AP1M1: variants seen among roughly 807,000 people sequenced by gnomAD.
AP1M1 encodes adaptor related protein complex 1 subunit mu 1, also known as AP-1 complex subunit mu-1.
AP1M1 carries 18 observed loss-of-function variants against 57.1 expected under a neutral mutation model. The ratio of observed to expected loss-of-function variants is 0.32; its 90% CI spans 0.22 to 0.47. AP1M1 has a LOEUF of 0.47. Ranked by LOEUF, AP1M1 falls within the 20% of genes least tolerant of loss-of-function variation. The pLI, the probability that AP1M1 is intolerant of heterozygous loss-of-function variation, is 1.00. For missense variants in AP1M1, 362 were observed against 593.5 expected, an observed-to-expected ratio of 0.61 and a Z score of 4.05; for synonymous variants, 241 against 237.9, an observed-to-expected ratio of 1.01 and a Z score of -0.12.
intron 1 of AP1M1, among the ~76,000 whole-genome samples, chr19:16,199,535 G>A (rs936697783): frequency 3.3e-5 from 5 of 152,180 alleles, no homozygotes; most frequent in Admixed American, 6.5e-5. Flanking sequence ...TAGGTGAGGC[G>A]GGCAGGGGTG....
intron 9 of AP1M1, among the ~76,000 whole-genome samples, chr19:16,231,866 T>C (rs1345710380): frequency 6.6e-6 from 1 of 152,234 alleles, no homozygotes; most frequent in East Asian, 1.9e-4. Context: ...TAGTGTAGGC[T>C]ATTTGCTTTT....
rs930532373 is a variant in AP1M1 at position 16,234,422 on chromosome 19, T to G, written c.1259T>G (p.Leu420Arg). The G allele has an allele frequency of 6.2e-7, 1 of 1,613,638 alleles. No individual in the cohort carries two copies. Among genetic ancestry groups the G allele is most frequent in the African/African-American group, 1.3e-5 (1 of 74,868 alleles). ...RYITQNGDYQ[L>R]RTQ Reference sequence around the variant, plus strand: ...CCCTCCTGTCTCCTAGATTACCAGCTCCGGACCCAGTGAGGGGCTGTCGCA... The same window carrying G: ...CCCTCCTGTCTCCTAGATTACCAGCGCCGGACCCAGTGAGGGGCTGTCGCA... Residue 420 changes from leucine to arginine, a missense_variant, in exon 12 of 12, where the codon CTC (leucine) becomes CGC (arginine). Leu to Arg is a moderately radical substitution (Grantham distance 102). This residue lies in a region of AP1M1 where 25 missense variants were observed against 82.4 expected (regional missense o/e 0.30). Transcript: ENST00000291439.
chr19:16,236,178 G>C lies in AP1M1; in HGVS notation c.*1743G>C, dbSNP rs2091624164. ...TTTGCCATCCTCGCTGCCACCCCCGGGGCCTAGCTCCAGTGTGGGCTGTCA... is the reference window on the plus strand; with the variant it reads ...TTTGCCATCCTCGCTGCCACCCCCGCGGCCTAGCTCCAGTGTGGGCTGTCA... On this transcript the variant is annotated 3_prime_UTR_variant, in exon 12 of 12. Coordinates refer to ENST00000291439, the MANE Select transcript of AP1M1 (RefSeq NM_032493.4). 1 of 152,746 alleles carries C rather than the reference G, an allele frequency of 6.5e-6. No homozygotes were observed. Among genetic ancestry groups the C allele is most frequent in the Non-Finnish European group, 1.5e-5 (1 of 68,478 alleles). 9.5% of individuals were successfully genotyped at this position (152,746 alleles called of 1,614,324 possible). A position where few individuals can be genotyped will look rare whatever the true frequency, so the allele number is the denominator to read the frequency against.
At chr19:16,216,376 C>T (rs1195264839) in intron 5 of AP1M1, among the ~76,000 whole-genome samples, 2 of 151,350 alleles carry the variant, frequency 1.3e-5, no homozygotes, top group East Asian at 2.0e-4. Flanking sequence ...ACCCAGGAGG[C>T]GGAGCTTGCA....
Position 16,228,252 on chromosome 19 carries a change from T to C in AP1M1, c.888+44T>C. 1 of 1,601,240 alleles carries C rather than the reference T, an allele frequency of 6.2e-7. No homozygotes were observed. Among genetic ancestry groups the C allele is most frequent in the Non-Finnish European group, 8.5e-7 (1 of 1,171,528 alleles). ...CCCACTGAGGGCCTTCTGGTGTCTC[T>C]GGCCCGTCCCAGGAGCCTAACCGAG... On this transcript the variant is annotated intron_variant, in intron 8 of 11. Transcript: ENST00000291439. This position sits in a 1 kb window ranked among gnomAD's most constrained non-coding sequence, Gnocchi z 5.0.
At chr19:16,208,683 TCC>T (rs1244411913) in intron 4 of AP1M1, among the ~76,000 whole-genome samples, 1 of 152,154 alleles carries the variant, frequency 6.6e-6, no homozygotes, top group Non-Finnish European at 1.5e-5. Context: ...CAGGTTACAC[TCC>T]GAGGCGTCAG....
Position 16,206,555 on chromosome 19 carries a change from G to A in AP1M1, c.267+147G>A. The A allele has an allele frequency of 2.6e-6, 2 of 780,456 alleles. No individual in the cohort carries two copies. Among genetic ancestry groups the A allele is most frequent in the Admixed American group, 2.2e-5 (1 of 46,272 alleles). The allele number at this position is 780,456 out of a possible 1,614,324, so 48.3% of individuals were successfully genotyped here. A position where few individuals can be genotyped will look rare whatever the true frequency, so the allele number is the denominator to read the frequency against. Reference sequence around the variant, plus strand: ...GAAGCCCAGGAAGTGGGAAAGGGGAGTCCCAACTCCCCACGCCTGTGGAAT... The same window carrying A: ...GAAGCCCAGGAAGTGGGAAAGGGGAATCCCAACTCCCCACGCCTGTGGAAT... On this transcript the variant is annotated intron_variant, in intron 3 of 11. Transcript: ENST00000291439. This position sits in a 1 kb window ranked among gnomAD's most constrained non-coding sequence, Gnocchi z 4.3.
chr19:16,209,734 T>C (rs368517694), intron 5 of AP1M1, among the ~76,000 whole-genome samples: 2 of 152,352 alleles, frequency 1.3e-5, no homozygotes, highest in East Asian at 3.9e-4. Flanking sequence ...TTGATTTTTC[T>C]ATAAACCTGA....
At chr19:16,232,194 G>A (rs1452858178) in intron 9 of AP1M1, among the ~76,000 whole-genome samples, 1 of 152,226 alleles carries the variant, frequency 6.6e-6, no homozygotes. Flanking sequence ...TGGCAGCCCT[G>A]TCCTCTTTTG....
chr19:16,208,372 A>G, intron 4 of AP1M1: 1 of 420,856 alleles, frequency 2.4e-6, no homozygotes, highest in Non-Finnish European at 4.3e-6. Context: ...CCTCATCTTT[A>G]CTCTCCATCC....
chr19:16,232,396 CT>C (rs1202276326), intron 9 of AP1M1, among the ~76,000 whole-genome samples: 2 of 152,266 alleles, frequency 1.3e-5, no homozygotes, highest in Non-Finnish European at 2.9e-5. Flanking sequence ...TCCATCGCCC[CT>C]GGCGTCTGCT....
At chr19:16,231,333 A>G (rs12976604) in intron 9 of AP1M1, among the ~76,000 whole-genome samples, 80,952 of 147,658 alleles carry the variant, frequency 0.55, 25,424 homozygotes, top group Non-Finnish European at 0.71. Flanking sequence ...TTAGAAATAC[A>G]GATTAGATAG....
chr19:16,209,400 G>C (rs370523929), intron 5 of AP1M1: 2 of 456,902 alleles, frequency 4.4e-6, no homozygotes, highest in Non-Finnish European at 7.6e-6. Context: ...ACACGATCTC[G>C]GCTCACTGCA....
In AP1M1 at chr19:16,234,198, G is replaced by A. The variant is rs1262264438; in HGVS notation, c.1174-1G>A. On this transcript the variant is annotated splice_acceptor_variant, in intron 10 of 11. Coordinates refer to ENST00000291439, the MANE Select transcript of AP1M1 (RefSeq NM_032493.4). LOFTEE classifies it high-confidence loss of function. ...TCAGGGCCCTGCTACCTGTGCCCCA[G>A]GTGCGCTACCTGAAGATCATTGAGA... 6.2e-7 allele frequency: 1 copy of A among 1,612,856 alleles called. No individual in the cohort carries two copies. Among genetic ancestry groups the A allele is most frequent in the African/African-American group, 1.3e-5 (1 of 74,924 alleles).
At chr19:16,226,650 T>A in intron 6 of AP1M1, 103 bp downstream of exon 6, 1 of 1,412,272 alleles carries the variant, frequency 7.1e-7, no homozygotes, top group Non-Finnish European at 9.4e-7. Context: ...CGAGCTGGTT[T>A]CAAGCACTTG....
chr19:16,209,475 C>T (rs932272951), intron 5 of AP1M1, among the ~76,000 whole-genome samples: 5 of 152,200 alleles, frequency 3.3e-5, no homozygotes, highest in Non-Finnish European at 7.3e-5. Flanking sequence ...GGATTATAGG[C>T]ACCCGCCACC....
Position 16,230,423 on chromosome 19 carries a change from C to T in AP1M1, c.1047+1495C>T, listed in dbSNP as rs555941851. On this transcript the variant is annotated intron_variant, in intron 9 of 11. Transcript: ENST00000291439. ...GGTAACCTTTTTTTTTTTTTTGAGA[C>T]GGAGTCTCGCTCTGTCGCCTAGGCT... 2.4e-3 allele frequency among the ~76,000 whole-genome samples: 324 copies of T among 133,442 alleles called. 2 individuals carry two copies. Among genetic ancestry groups the T allele is most frequent in the Middle Eastern group, 0.013 (3 of 224 alleles). The allele number at this position is 133,442 out of a possible 152,430, so 87.5% of individuals were successfully genotyped here.
chr19:16,203,684 G>T lies in AP1M1; in HGVS notation c.199+69G>T. ...TGTTGGTGTGTGTGCATATCCACAC[G>T]CCTGCAAGCAGGGCTGGTTTGTGCA... is the stretch of plus-strand genomic sequence containing the variant. On this transcript the variant is annotated intron_variant, in intron 2 of 11. Coordinates refer to ENST00000291439, the MANE Select transcript of AP1M1 (RefSeq NM_032493.4). The surrounding 1 kb of genome is among the most constrained non-coding windows in gnomAD (Gnocchi z 4.6). 2 of 1,483,034 alleles carry T rather than the reference G, an allele frequency of 1.3e-6. No homozygotes were observed. The highest frequency in any genetic ancestry group is 1.3e-5 in the South Asian group (1 of 77,292). 91.9% of individuals were successfully genotyped at this position (1,483,034 alleles called of 1,614,324 possible).
intron 10 of AP1M1, 95 bp from the exon 11 acceptor site, chr19:16,234,104 C>G (rs1237000786): frequency 2.3e-6 from 3 of 1,280,790 alleles, no homozygotes; most frequent in East Asian, 2.4e-5. Context: ...CATGGCCTCC[C>G]CTGCCAGCCC....
Sources: allele counts gnomAD v4.1 joint callset (sites outside exome capture counted in the v4.1 genomes callset), GRCh38; gene constraint gnomAD v4.1.1; regional missense constraint gnomAD v4.1.1; non-coding constraint Gnocchi (gnomAD v3.1); transcripts MANE v1.5; gene names NCBI Gene and HGNC (gene_info 2026-07-23, HGNC 2026-07-21).